The following SELENOS variants were observed in gnomAD, a reference collection of about 807,000 sequenced individuals.
The protein encoded by SELENOS is VCP interacting membrane selenoprotein.
A neutral mutation model predicts 30.2 loss-of-function variants in SELENOS; 37 were observed. The observed-to-expected ratio is 1.23, with a 90% CI of 0.94 to 1.61. The LOEUF is 1.61. SELENOS is among the 40% of genes most tolerant of loss of function. The probability of loss-of-function intolerance (pLI) is 0.00; values close to 1 mark genes in which losing one functional copy is unlikely to be tolerated. For synonymous variants in SELENOS, 119 were observed against 91.6 expected (o/e 1.30, Z -1.71); for missense variants, 289 against 231.8 (o/e 1.25, Z -1.60).
intron 2 of SELENOS, among the ~76,000 whole-genome samples, chr15:101,276,198 C>T (rs1321878164): frequency 2.7e-5 from 4 of 147,166 alleles, no homozygotes; most frequent in Non-Finnish European, 5.9e-5. Flanking sequence ...GCTGGGATTA[C>T]AGGTGTGAGC....
At chr15:101,275,495 C>G in intron 2 of SELENOS, 134 bp from the exon 3 acceptor site, 1 of 724,102 alleles carries the variant, frequency 1.4e-6, no homozygotes, top group Non-Finnish European at 2.1e-6. Flanking sequence ...TACATAAGTA[C>G]TCCTAACCCC....
rs1031160327 is a variant in SELENOS, at chr15:101,272,703, C to A, written c.*68G>T. The stretch of plus-strand genomic sequence containing the variant: ...TTGGCTAGTCACTGTGAAAAGCGTG[C>A]GTAAGGCAATTGAATCGAGGGTTAA... On this transcript the variant is annotated 3_prime_UTR_variant, in exon 6 of 6. Transcript: ENST00000526049. The A allele has an allele frequency of 2.0e-6, 3 of 1,494,204 alleles. No homozygotes were observed. Among genetic ancestry groups the A allele is most frequent in the South Asian group, 1.2e-5 (1 of 82,924 alleles). 92.6% of individuals were successfully genotyped at this position (1,494,204 alleles called of 1,614,324 possible).
At chr15:101,273,896 C>G (rs1448371548) in intron 5 of SELENOS, among the ~76,000 whole-genome samples, 1 of 152,210 alleles carries the variant, frequency 6.6e-6, no homozygotes, top group Admixed American at 6.5e-5. Context: ...TCAGCAGTAA[C>G]TTGCAACTCT....
chr15:101,273,275 C>T (rs777011566), intron 5 of SELENOS, among the ~76,000 whole-genome samples: 7 of 152,166 alleles, frequency 4.6e-5, no homozygotes, highest in East Asian at 1.9e-4. Context: ...CCAGTCAGAA[C>T]GGGGTCTTCT....
chr15:101,277,406 T>G lies in SELENOS; in HGVS notation c.12A>C (p.Gln4His), dbSNP rs1210366614. 6.7e-7 allele frequency: 1 copy of G among 1,489,500 alleles called. No homozygotes were observed. The highest frequency in any genetic ancestry group is 8.9e-7 in the Non-Finnish European group (1 of 1,127,408). The allele number at this position is 1,489,500 out of a possible 1,614,324, so 92.3% of individuals were successfully genotyped here. ...CCGGCCGCGCGGACAGAGACTCCTC[T>G]TGGCGTTCCATGACCGCCGCCGCCG... MER[Q>H]EESLSARPAL... The change falls in exon 1 of 6, where the codon CAA becomes CAC. Residue 4 changes from glutamine (Q) to histidine (H), a missense_variant. By Grantham distance (24) the Gln-to-His change is conservative. Coordinates refer to ENST00000526049, the MANE Select transcript of SELENOS (RefSeq NM_018445.6).
In SELENOS at chr15:101,277,408, G is replaced by A. The variant is rs987566361; in HGVS notation, c.10C>T (p.Gln4Ter). 23 of 1,488,218 alleles carry A rather than the reference G, an allele frequency of 1.5e-5. No homozygotes were observed. The highest frequency in any genetic ancestry group is 1.8e-5 in the Non-Finnish European group (20 of 1,127,020). 92.2% of individuals were successfully genotyped at this position (1,488,218 alleles called of 1,614,324 possible). Residue 4 changes from glutamine to a stop codon, truncating the protein, a stop_gained, in exon 1 of 6, where the codon CAA (glutamine) becomes TAA (stop). Coordinates refer to ENST00000526049, the MANE Select transcript of SELENOS (RefSeq NM_018445.6). LOFTEE classifies it high-confidence loss of function. ...GGCCGCGCGGACAGAGACTCCTCTT[G>A]GCGTTCCATGACCGCCGCCGCCGCC... is the stretch of plus-strand genomic sequence containing the variant. MER[Q>*]EESLSARPAL... is the part of the protein sequence containing the mutation.
chr15:101,276,989 T>C lies in SELENOS; in HGVS notation c.77-314A>G, dbSNP rs995012293. ...AAGGCAAAGGCCTTTCAGAGCCACATAGAAAGGGGTGACAGCGCGGGGAGT... is the reference window on the plus strand; with the variant it reads ...AAGGCAAAGGCCTTTCAGAGCCACACAGAAAGGGGTGACAGCGCGGGGAGT... On this transcript the variant is annotated intron_variant, in intron 1 of 5. Transcript: ENST00000526049. 18 of 524,664 alleles carry C rather than the reference T, an allele frequency of 3.4e-5. No individual in the cohort carries two copies. In the Admixed American group the frequency reaches 3.7e-4, roughly 11 times the overall value. 32.5% of individuals were successfully genotyped at this position (524,664 alleles called of 1,614,324 possible).
downstream of SELENOS, chr15:101,270,833 G>A (rs1246729271): frequency 3.9e-5 from 6 of 152,108 alleles, no homozygotes; most frequent in Non-Finnish European, 7.3e-5. Context: ...CTCTTCAAAT[G>A]CTATTACACA....
rs1364490484 is a variant in SELENOS, at chr15:101,277,424, C to CGCCGCCGCCGCCGCCCAGCCCT, written c.-29_-8dup. ...ACTCCTCTTGGCGTTCCATGACCGC[C>CGCCGCCGCCGCCGCCCAGCCCT]GCCGCCGCCGCCGCCCAGCCCTGCC... On this transcript the variant is annotated 5_prime_UTR_variant, in exon 1 of 6. Coordinates refer to ENST00000526049, the MANE Select transcript of SELENOS (RefSeq NM_018445.6). 52 of 1,463,462 alleles carry CGCCGCCGCCGCCGCCCAGCCCT rather than the reference C, an allele frequency of 3.6e-5. No homozygotes were observed. The highest frequency in any genetic ancestry group is 1.6e-4 in the South Asian group (12 of 75,614). The allele number at this position is 1,463,462 out of a possible 1,614,324, so 90.7% of individuals were successfully genotyped here. A position where few individuals can be genotyped will look rare whatever the true frequency, so the allele number is the denominator to read the frequency against.
Position 101,277,396 on chromosome 15 carries a change from G to A in SELENOS, c.22C>T (p.Leu8=), listed in dbSNP as rs1294415136. Residue 8 remains leucine (L), a synonymous_variant, in exon 1 of 6, where the codon CTG becomes TTG. Transcript: ENST00000526049. ...GTCTCCAGGGCCGGCCGCGCGGACA[G>A]AGACTCCTCTTGGCGTTCCATGACC... is the stretch of plus-strand genomic sequence containing the variant. MERQEES[L]SARPALETEG... The A allele has an allele frequency of 6.0e-6, 9 of 1,502,466 alleles. No homozygotes were observed. The highest frequency in any genetic ancestry group is 7.9e-6 in the Non-Finnish European group (9 of 1,133,316). 93.1% of individuals were successfully genotyped at this position (1,502,466 alleles called of 1,614,324 possible).
rs989963028 is a variant in SELENOS at position 101,277,403 on chromosome 15, C to G, written c.15G>C (p.Glu5Asp). The change falls in exon 1 of 6, where the codon GAG becomes GAC. Residue 5 changes from glutamate to aspartate, a missense_variant. Glu to Asp is a conservative substitution (Grantham distance 45). Coordinates refer to ENST00000526049, the MANE Select transcript of SELENOS (RefSeq NM_018445.6). MERQ[E>D]ESLSARPALE... Reference sequence around the variant, plus strand: ...GGGCCGGCCGCGCGGACAGAGACTCCTCTTGGCGTTCCATGACCGCCGCCG... The same window carrying G: ...GGGCCGGCCGCGCGGACAGAGACTCGTCTTGGCGTTCCATGACCGCCGCCG... 10 of 1,490,736 alleles carry G rather than the reference C, an allele frequency of 6.7e-6. No homozygotes were observed. The African/African-American group carries it at 1.5e-4, about 22-fold the overall frequency. 92.3% of individuals were successfully genotyped at this position (1,490,736 alleles called of 1,614,324 possible).
chr15:101,272,653 G>A lies in SELENOS; in HGVS notation c.*118C>T. The A allele has an allele frequency of 2.9e-6, 3 of 1,045,752 alleles. No individual in the cohort carries two copies. Among genetic ancestry groups the A allele is most frequent in the South Asian group, 2.9e-5 (2 of 68,468 alleles). The allele number at this position is 1,045,752 out of a possible 1,614,324, so 64.8% of individuals were successfully genotyped here. ...CCCTGACATATGCAGGTGTAGTTAG[G>A]AACAGAAATCAACCCCACCTCCCCT... On this transcript the variant is annotated 3_prime_UTR_variant, in exon 6 of 6. Transcript: ENST00000526049.
At chr15:101,274,329 G>A in intron 5 of SELENOS, 91 bp downstream of exon 5, 1 of 1,410,442 alleles carries the variant, frequency 7.1e-7, no homozygotes, top group Non-Finnish European at 9.8e-7. Flanking sequence ...CTTAATTTAT[G>A]GACAAAGAAA....
At chr15:101,275,798 T>A (rs981672209) in intron 2 of SELENOS, among the ~76,000 whole-genome samples, 1 of 151,990 alleles carries the variant, frequency 6.6e-6, no homozygotes, top group African/African-American at 2.4e-5. Context: ...TAAGTATTTG[T>A]TTCTACAGAA....
At chr15:101,277,269 C>G in intron 1 of SELENOS, 73 bp downstream of exon 1, 2 of 1,522,232 alleles carry the variant, frequency 1.3e-6, no homozygotes, top group Non-Finnish European at 1.8e-6. Flanking sequence ...GGTGCAGCGG[C>G]GGACGACCCA....
intron 4 of SELENOS, 36 bp from the exon 5 acceptor site, chr15:101,274,531 A>C (rs778456536): frequency 6.2e-7 from 1 of 1,607,654 alleles, no homozygotes; most frequent in South Asian, 1.1e-5. Context: ...AGAAGCAATT[A>C]AAACATTCTA....
chr15:101,274,174 C>T (rs1567118845), intron 5 of SELENOS: 1 of 553,314 alleles, frequency 1.8e-6, no homozygotes, highest in Non-Finnish European at 3.2e-6. Flanking sequence ...CAATTCCTCA[C>T]CCTACTTAGC....
chr15:101,277,373 C>T lies in SELENOS; in HGVS notation c.45G>A (p.Glu15=). 1 of 1,508,368 alleles carries T rather than the reference C, an allele frequency of 6.6e-7. No individual in the cohort carries two copies. The highest frequency in any genetic ancestry group is 8.8e-7 in the Non-Finnish European group (1 of 1,136,104). The allele number at this position is 1,508,368 out of a possible 1,614,324, so 93.4% of individuals were successfully genotyped here. ...EESLSARPAL[E]TEGLRFLHTT... Reference sequence around the variant, plus strand: ...TGTGCAGGAAGCGCAGCCCCTCGGTCTCCAGGGCCGGCCGCGCGGACAGAG... The same window carrying T: ...TGTGCAGGAAGCGCAGCCCCTCGGTTTCCAGGGCCGGCCGCGCGGACAGAG... The change falls in exon 1 of 6, where the codon GAG becomes GAA. Residue 15 remains glutamate, a synonymous_variant. Transcript: ENST00000526049.
intron 1 of SELENOS, 152 bp from the exon 2 acceptor site, chr15:101,276,827 G>A (rs1431180721): frequency 1.2e-6 from 1 of 858,182 alleles, no homozygotes; most frequent in East Asian, 2.8e-5. Flanking sequence ...GTTAAAACAC[G>A]AACTCAAGAA....
Sources: allele counts gnomAD v4.1 joint callset (sites outside exome capture counted in the v4.1 genomes callset), GRCh38; gene constraint gnomAD v4.1.1; transcripts MANE v1.5; gene names NCBI Gene and HGNC (gene_info 2026-07-23, HGNC 2026-07-21).